The following ERI3 variants were observed in gnomAD, a reference collection of about 807,000 sequenced individuals.
ERI3 encodes ERI1 exoribonuclease 3.
ERI3 carries 18 observed loss-of-function variants against 44.4 expected under a neutral mutation model. That is an observed-to-expected ratio of 0.41 (90% confidence interval 0.28 to 0.60). ERI3 has a LOEUF of 0.60. Ranked by LOEUF, ERI3 falls within the 20% of genes least tolerant of loss-of-function variation. ERI3 has a pLI of 0.36. For missense variants in ERI3, 294 were observed against 435.5 expected (o/e 0.68, Z 2.89); for synonymous variants, 183 against 164.8 (o/e 1.11, Z -0.84).
intron 7 of ERI3, among the ~76,000 whole-genome samples, chr1:44,265,423 T>C (rs1329886245): frequency 6.6e-6 from 1 of 152,224 alleles, no homozygotes; most frequent in Non-Finnish European, 1.5e-5. Context: ...AAAGCTTGCA[T>C]GCTTTTATTC....
intron 6 of ERI3, among the ~76,000 whole-genome samples, chr1:44,304,080 T>A (rs980569196): frequency 2.0e-5 from 3 of 151,842 alleles, no homozygotes; most frequent in Non-Finnish European, 2.9e-5. Flanking sequence ...TTTGAGGGAA[T>A]GATGGAGGAC....
intron 2 of ERI3, among the ~76,000 whole-genome samples, chr1:44,349,223 G>A (rs1006205094): frequency 2.0e-5 from 3 of 152,180 alleles, no homozygotes; most frequent in Non-Finnish European, 4.4e-5. Flanking sequence ...CTCGATCTCA[G>A]CTCATTGCAA....
intron 7 of ERI3, among the ~76,000 whole-genome samples, chr1:44,276,839 T>C (rs1366154463): frequency 1.3e-5 from 2 of 152,124 alleles, no homozygotes; most frequent in Non-Finnish European, 2.9e-5. Flanking sequence ...CTGAGGAAAA[T>C]CTCCACCCTG....
chr1:44,329,538 A>G (rs757080110), intron 3 of ERI3, among the ~76,000 whole-genome samples: 1 of 152,190 alleles, frequency 6.6e-6, no homozygotes, highest in African/African-American at 2.4e-5. Flanking sequence ...GTTGTGAACA[A>G]CGCAGACATG....
chr1:44,281,588 GA>G lies in ERI3; in HGVS notation c.831+3246del, dbSNP rs769332763. ...GGGTGACAGAGTGAGACCCCGTCTC[GA>G]AAAAAAAAAAAAATATATATATATA... is the stretch of plus-strand genomic sequence containing the variant. On this transcript the variant is annotated intron_variant, in intron 7 of 8. Transcript: ENST00000372257. Among the ~76,000 whole-genome samples, 516 of 103,820 alleles carry G rather than the reference GA, an allele frequency of 5.0e-3. 2 individuals are homozygous for G. Among genetic ancestry groups the G allele is most frequent in the East Asian group, 7.6e-3 (29 of 3,822 alleles). 68.1% of individuals were successfully genotyped at this position (103,820 alleles called of 152,430 possible).
rs553119194 is a variant in ERI3, at chr1:44,264,691, G to A, written c.832-16653C>T. Among the ~76,000 whole-genome samples, 53 of 152,206 alleles carry A rather than the reference G, an allele frequency of 3.5e-4. 1 individual carries two copies. The South Asian group carries it at 1.0e-2, about 29-fold the overall frequency. ...CAAGGAGTGGTGGCAGTACAAGGAAGGGGGGGCAGCCACCAGTCAGCCTTC... is the reference window on the plus strand; with the variant it reads ...CAAGGAGTGGTGGCAGTACAAGGAAAGGGGGGCAGCCACCAGTCAGCCTTC... On this transcript the variant is annotated intron_variant, in intron 7 of 8. Coordinates refer to ENST00000372257, the MANE Select transcript of ERI3 (RefSeq NM_024066.3).
At chr1:44,315,205 G>A (rs1646061602) in intron 4 of ERI3, among the ~76,000 whole-genome samples, 1 of 152,210 alleles carries the variant, frequency 6.6e-6, no homozygotes. Flanking sequence ...GTTTCAGGCG[G>A]CAAGGTTAGG....
At chr1:44,352,025 C>T (rs1646901099) in intron 2 of ERI3, among the ~76,000 whole-genome samples, 1 of 152,188 alleles carries the variant, frequency 6.6e-6, no homozygotes, top group South Asian at 2.1e-4. Context: ...CTATCAGTCT[C>T]TCCCATGAAT....
At chr1:44,258,616 C>A (rs1265858021) in intron 7 of ERI3, among the ~76,000 whole-genome samples, 9 of 152,142 alleles carry the variant, frequency 5.9e-5, no homozygotes, top group South Asian at 4.1e-4. Context: ...GAAGGAGAGA[C>A]ATGTAAACAT....
intron 4 of ERI3, among the ~76,000 whole-genome samples, chr1:44,319,410 G>A (rs1646154464): frequency 6.6e-6 from 1 of 152,244 alleles, no homozygotes; most frequent in Admixed American, 6.5e-5. Context: ...TGCTGGGGAA[G>A]CAGGGGTAGA....
At chr1:44,351,833 T>G (rs1327170131) in intron 2 of ERI3, among the ~76,000 whole-genome samples, 1 of 152,114 alleles carries the variant, frequency 6.6e-6, no homozygotes, top group Non-Finnish European at 1.5e-5. Flanking sequence ...TCACCTAATT[T>G]TTTTTTTTTA....
intron 2 of ERI3, among the ~76,000 whole-genome samples, chr1:44,341,680 A>G (rs1646656750): frequency 6.6e-6 from 1 of 152,200 alleles, no homozygotes; most frequent in Non-Finnish European, 1.5e-5. Context: ...TGAGCCCAGG[A>G]GTTCGAAACC....
At chr1:44,317,800 T>C (rs370013231) in intron 4 of ERI3, among the ~76,000 whole-genome samples, 20 of 152,034 alleles carry the variant, frequency 1.3e-4, no homozygotes, top group East Asian at 9.7e-4. Flanking sequence ...AGGACCATCA[T>C]GTGAAAAGAC....
At chr1:44,314,324 A>G (rs1016342341) in intron 4 of ERI3, among the ~76,000 whole-genome samples, 6 of 152,116 alleles carry the variant, frequency 3.9e-5, no homozygotes, top group African/African-American at 7.2e-5. Context: ...AAAAACGCTG[A>G]GCTCCTCTAG....
chr1:44,279,178 T>C (rs1645238497), intron 7 of ERI3, among the ~76,000 whole-genome samples: 1 of 152,154 alleles, frequency 6.6e-6, no homozygotes, highest in South Asian at 2.1e-4. Flanking sequence ...TCTTTGGCAA[T>C]CTCATCCACT....
chr1:44,332,848 C>T (rs1646459130), intron 3 of ERI3, among the ~76,000 whole-genome samples: 1 of 152,132 alleles, frequency 6.6e-6, no homozygotes, highest in Admixed American at 6.5e-5. Context: ...GGAGGAGGGG[C>T]AAGGACCACA....
At position 44,310,951 on chromosome 1, in the gene ERI3, T is replaced by TCGCGCGCGCGCG. The variant is rs141114785; in HGVS notation, c.666+2206_666+2217dup. Among the ~76,000 whole-genome samples the TCGCGCGCGCGCG allele has an allele frequency of 4.1e-3, 387 of 94,702 alleles. 7 individuals are homozygous for TCGCGCGCGCGCG. The highest frequency in any genetic ancestry group is 5.6e-3 in the Non-Finnish European group (256 of 45,550). The allele number at this position is 94,702 out of a possible 152,430, so 62.1% of individuals were successfully genotyped here. A position where few individuals can be genotyped will look rare whatever the true frequency, so the allele number is the denominator to read the frequency against. ...CCAACTCCTTGCATGTATGTGCACA[T>TCGCGCGCGCGCG]CGCGCGCGCGCGCACACACACACAC... On this transcript the variant is annotated intron_variant, in intron 5 of 8. Coordinates refer to ENST00000372257, the MANE Select transcript of ERI3 (RefSeq NM_024066.3).
At chr1:44,284,091 G>A in intron 7 of ERI3, 1 of 470,826 alleles carries the variant, frequency 2.1e-6, no homozygotes, top group Non-Finnish European at 4.4e-6. Flanking sequence ...ATGATTTATG[G>A]GGGTGAGTCT....
intron 1 of ERI3, 85 bp from the exon 2 acceptor site, chr1:44,353,010 T>C: frequency 6.3e-7 from 1 of 1,587,134 alleles, no homozygotes; most frequent in Non-Finnish European, 8.6e-7. Context: ...CCTCAAACTC[T>C]AAACTCAAAC....
Sources: allele counts gnomAD v4.1 joint callset (sites outside exome capture counted in the v4.1 genomes callset), GRCh38; gene constraint gnomAD v4.1.1; transcripts MANE v1.5; gene names NCBI Gene and HGNC (gene_info 2026-07-23, HGNC 2026-07-21).